Variants in KLF8 observed in about 807,000 individuals in gnomAD.
KLF8 encodes Krueppel-like factor 8.
KLF8 carries 10 observed loss-of-function variants against 18.2 expected under a neutral mutation model. That is an observed-to-expected ratio of 0.55 (90% CI 0.34 to 0.93). KLF8 has a LOEUF of 0.93. KLF8 is among the 40% of genes least tolerant of loss of function. The pLI, the probability that KLF8 is intolerant of heterozygous loss-of-function variation, is 0.02. For missense variants in KLF8, 264 were observed against 277.9 expected, an observed-to-expected ratio of 0.95 and a Z score of 0.36; for synonymous variants, 109 against 97.3, an observed-to-expected ratio of 1.12 and a Z score of -0.71.
chrX:55,991,345 C>A, the KLF8 span, among the ~76,000 whole-genome samples: 1 of 112,209 alleles, frequency 8.9e-6, no homozygotes, highest in Non-Finnish European at 1.9e-5. Flanking sequence ...TTTGCTAAGA[C>A]GATTGGAAGG....
the KLF8 span, among the ~76,000 whole-genome samples, chrX:55,990,161 G>T: frequency 9.0e-6 from 1 of 111,653 alleles, no homozygotes; most frequent in Non-Finnish European, 1.9e-5. Context: ...CCAGCTCCTG[G>T]ATTCATTGAT....
the KLF8 span, among the ~76,000 whole-genome samples, chrX:56,045,973 G>C: frequency 8.9e-6 from 1 of 111,736 alleles, no homozygotes; most frequent in Non-Finnish European, 1.9e-5. Context: ...TATAAAGTTG[G>C]CTGTGGGTTT....
chrX:56,069,816 C>T, the KLF8 span, among the ~76,000 whole-genome samples: 1 of 112,069 alleles, frequency 8.9e-6, no homozygotes, highest in African/African-American at 3.2e-5. Context: ...CCCAGCGGTC[C>T]TGCCCAGCAG....
chrX:56,010,562 C>A, the KLF8 span, among the ~76,000 whole-genome samples: 1 of 111,543 alleles, frequency 9.0e-6, no homozygotes, highest in East Asian at 2.8e-4. Context: ...AACAAGTCTG[C>A]AAAATAACCA....
chrX:56,084,144 G>T, the KLF8 span, among the ~76,000 whole-genome samples: 1 of 111,560 alleles, frequency 9.0e-6, no homozygotes, highest in Non-Finnish European at 1.9e-5. Flanking sequence ...ACTTTGGAAG[G>T]CTGAAGTAGG....
intron 2 of KLF8, 27 bp from the exon 3 acceptor site, chrX:56,265,153 C>T: frequency 1.7e-6 from 2 of 1,159,078 alleles, no homozygotes; most frequent in Non-Finnish European, 2.3e-6. Flanking sequence ...CTGACTTATG[C>T]ATCTCTCATT....
chrX:56,050,688 C>CAG, the KLF8 span, among the ~76,000 whole-genome samples: 1 of 111,811 alleles, frequency 8.9e-6, no homozygotes. Flanking sequence ...TTACTTCCAC[C>CAG]TATGTGGTCA....
the KLF8 span, among the ~76,000 whole-genome samples, chrX:56,223,537 C>T: frequency 8.9e-6 from 1 of 112,394 alleles, no homozygotes; most frequent in South Asian, 3.7e-4. Context: ...GTTAGCCAGT[C>T]GGTGAATTTA....
chrX:55,997,115 G>A, the KLF8 span, among the ~76,000 whole-genome samples: 1 of 111,785 alleles, frequency 8.9e-6, no homozygotes, highest in Non-Finnish European at 1.9e-5. Flanking sequence ...TTGCCTCTGG[G>A]AAGTGCCCCT....
At chrX:56,037,370 T>G in the KLF8 span, among the ~76,000 whole-genome samples, 1 of 112,044 alleles carries the variant, frequency 8.9e-6, no homozygotes, top group African/African-American at 3.2e-5. Context: ...TTGGTCTGTT[T>G]TTTTTTATTG....
At chrX:56,075,176 C>T in the KLF8 span, among the ~76,000 whole-genome samples, 1 of 109,723 alleles carries the variant, frequency 9.1e-6, no homozygotes, top group South Asian at 3.8e-4. Context: ...AAATGTATTA[C>T]TATATATTTC....
Position 56,265,151 on chromosome X carries a change from T to A in KLF8, c.82-29T>A, listed in dbSNP as rs199885878. On this transcript the variant is annotated intron_variant, in intron 2 of 5. Coordinates refer to ENST00000468660, the MANE Select transcript of KLF8 (RefSeq NM_007250.5). Reference sequence around the variant, plus strand: ...TCTTCAGGGTACTAACACTGACTTATGCATCTCTCATTTGTTTATTTATTT... The same window carrying A: ...TCTTCAGGGTACTAACACTGACTTAAGCATCTCTCATTTGTTTATTTATTT... 1.8e-4 allele frequency: 214 copies of A among 1,159,080 alleles called. No individual in the cohort carries two copies. The African/African-American group carries it at 3.6e-3, about 20-fold the overall frequency.
At chrX:56,181,561 G>A in the KLF8 span, among the ~76,000 whole-genome samples, 2 of 111,744 alleles carry the variant, frequency 1.8e-5, no homozygotes, top group Non-Finnish European at 3.8e-5. Flanking sequence ...CCTAGCATCA[G>A]TGGTCTTTAC....
the KLF8 span, among the ~76,000 whole-genome samples, chrX:56,096,120 A>T: frequency 9.0e-6 from 1 of 110,644 alleles, no homozygotes; most frequent in East Asian, 2.8e-4. Flanking sequence ...GACATAAAAC[A>T]GAATGAAATC....
the KLF8 span, among the ~76,000 whole-genome samples, chrX:55,910,947 G>A: frequency 9.0e-6 from 1 of 111,689 alleles, no homozygotes; most frequent in Non-Finnish European, 1.9e-5. Context: ...GGTTAGAGAT[G>A]CTGACCCCAC....
the KLF8 span, among the ~76,000 whole-genome samples, chrX:56,079,720 G>C: frequency 1.8e-5 from 2 of 110,860 alleles, no homozygotes; most frequent in African/African-American, 3.3e-5. Flanking sequence ...TTTCTGTCTT[G>C]TTGATCTGTC....
chrX:56,111,463 G>A, the KLF8 span, among the ~76,000 whole-genome samples: 48 of 111,962 alleles, frequency 4.3e-4, no homozygotes, highest in African/African-American at 1.4e-3. Flanking sequence ...GGCAAGAAAA[G>A]CCAAAATTGA....
chrX:56,177,323 C>T, the KLF8 span, among the ~76,000 whole-genome samples: 3 of 111,199 alleles, frequency 2.7e-5, no homozygotes, highest in Admixed American at 9.7e-5. Context: ...TTCTAACAGT[C>T]AGGACCCTCA....
At chrX:56,077,009 T>G in the KLF8 span, among the ~76,000 whole-genome samples, 1 of 111,804 alleles carries the variant, frequency 8.9e-6, no homozygotes, top group Admixed American at 9.5e-5. Flanking sequence ...TCTTGTAAAT[T>G]TGTTTGAGTT....
Sources: allele counts gnomAD v4.1 joint callset (sites outside exome capture counted in the v4.1 genomes callset), GRCh38; gene constraint gnomAD v4.1.1; transcripts MANE v1.5; gene names NCBI Gene and HGNC (gene_info 2026-07-23, HGNC 2026-07-21).